PPP3CA: variants seen among roughly 807,000 people sequenced by gnomAD.
The protein encoded by PPP3CA is CAM-PRP catalytic subunit.
Under a neutral mutation model 66.5 loss-of-function variants are expected in PPP3CA, and 14 were observed. The observed-to-expected ratio is 0.21, with a 90% confidence interval of 0.14 to 0.33. The LOEUF is 0.33. Among genes scored for constraint, PPP3CA ranks in the 10% least tolerant of loss-of-function variants. The pLI, the probability that PPP3CA is intolerant of heterozygous loss-of-function variation, is 1.00. For missense variants in PPP3CA, 317 were observed against 639.5 expected (o/e 0.50, Z 5.44); for synonymous variants, 232 against 226.2 (o/e 1.03, Z -0.23).
At chr4:101,128,616 G>T (rs956186134) in intron 2 of PPP3CA, among the ~76,000 whole-genome samples, 1 of 151,554 alleles carries the variant, frequency 6.6e-6, no homozygotes, top group African/African-American at 2.4e-5. Context: ...GCAGGGCGGG[G>T]CGTCACCTTA....
intron 2 of PPP3CA, among the ~76,000 whole-genome samples, chr4:101,176,747 T>C (rs912857267): frequency 6.6e-6 from 1 of 152,116 alleles, no homozygotes; most frequent in East Asian, 1.9e-4. Context: ...GTTTATTAAA[T>C]TTTAATTACT....
intron 1 of PPP3CA, among the ~76,000 whole-genome samples, chr4:101,224,283 C>T (rs962767226): frequency 6.6e-6 from 1 of 151,712 alleles, no homozygotes; most frequent in African/African-American, 2.4e-5. Flanking sequence ...GATTCCTAAG[C>T]ATCTTGGTTT....
intron 1 of PPP3CA, among the ~76,000 whole-genome samples, chr4:101,275,824 G>A (rs1462425659): frequency 6.7e-6 from 1 of 149,108 alleles, no homozygotes; most frequent in African/African-American, 2.5e-5. Context: ...GGGGTGGTGT[G>A]GTTTTTTTCG....
At chr4:101,088,767 G>C (rs1447454354) in intron 6 of PPP3CA, among the ~76,000 whole-genome samples, 1 of 152,058 alleles carries the variant, frequency 6.6e-6, no homozygotes, top group Admixed American at 6.5e-5. Flanking sequence ...ATTGGAAGCA[G>C]AGAGCTCAGG....
chr4:101,025,892 A>AT lies in PPP3CA; in HGVS notation c.1538dup (p.Asn513LysfsTer4). ...ACTGAATATTGCTGCTATTACTGCC[A>AT]TTGCTGTCCGTGCCGTTAGTCTCTG... On this transcript the variant is annotated frameshift_variant, in exon 14 of 14. Transcript: ENST00000394854. LOFTEE classifies it high-confidence loss of function. The AT allele has an allele frequency of 6.3e-7, 1 of 1,597,196 alleles. No individual in the cohort carries two copies. The highest frequency in any genetic ancestry group is 8.5e-7 in the Non-Finnish European group (1 of 1,173,452).
chr4:101,217,386 CCTAAT>C (rs1342300825), intron 1 of PPP3CA, among the ~76,000 whole-genome samples: 53 of 152,234 alleles, frequency 3.5e-4, no homozygotes, highest in African/African-American at 1.2e-3. Flanking sequence ...TTCTAAACTA[CCTAAT>C]CTATTAAACA....
intron 2 of PPP3CA, among the ~76,000 whole-genome samples, chr4:101,174,751 A>C (rs1448826376): frequency 6.6e-6 from 1 of 152,144 alleles, no homozygotes; most frequent in Non-Finnish European, 1.5e-5. Context: ...TGAGATAGGG[A>C]AAGGGAACAA....
intron 1 of PPP3CA, among the ~76,000 whole-genome samples, chr4:101,314,740 T>G (rs1197125655): frequency 1.3e-5 from 2 of 152,068 alleles, no homozygotes; most frequent in African/African-American, 4.8e-5. Flanking sequence ...GTAATCCCTA[T>G]GAGATATTTT....
chr4:101,184,303 G>A (rs1724337278), intron 2 of PPP3CA, among the ~76,000 whole-genome samples: 1 of 152,200 alleles, frequency 6.6e-6, no homozygotes, highest in Admixed American at 6.5e-5. Flanking sequence ...TTGAGAGCTT[G>A]AGGCCCAGAA....
chr4:101,129,341 T>C (rs531620242), intron 2 of PPP3CA, among the ~76,000 whole-genome samples: 1 of 152,338 alleles, frequency 6.6e-6, no homozygotes, highest in African/African-American at 2.4e-5. Context: ...TAAACGTTCC[T>C]GTCTGCCAGC....
intron 8 of PPP3CA, among the ~76,000 whole-genome samples, chr4:101,075,180 T>A (rs995874827): frequency 6.6e-6 from 1 of 152,154 alleles, no homozygotes; most frequent in East Asian, 1.9e-4. Flanking sequence ...CAAGGTGAAA[T>A]CTGGGTGGGG....
intron 2 of PPP3CA, among the ~76,000 whole-genome samples, chr4:101,132,875 G>A (rs1560619087): frequency 1.3e-5 from 2 of 152,164 alleles, no homozygotes; most frequent in Non-Finnish European, 2.9e-5. Context: ...ACTGAATACA[G>A]CAGCACATCA....
chr4:101,062,261 TTATC>T (rs1291482714), intron 9 of PPP3CA, among the ~76,000 whole-genome samples: 1 of 152,014 alleles, frequency 6.6e-6, no homozygotes. Flanking sequence ...TTGGGAATAT[TTATC>T]AGAGATTATT....
At chr4:101,073,662 T>C (rs1285960580) in intron 8 of PPP3CA, among the ~76,000 whole-genome samples, 1 of 152,198 alleles carries the variant, frequency 6.6e-6, no homozygotes, top group East Asian at 1.9e-4. Context: ...CATTTCTCAG[T>C]GAACTCTCTT....
At chr4:101,214,356 A>AATT (rs1265429241) in intron 1 of PPP3CA, among the ~76,000 whole-genome samples, 6 of 152,064 alleles carry the variant, frequency 3.9e-5, no homozygotes, top group African/African-American at 1.2e-4. Flanking sequence ...TAATAATAAT[A>AATT]ATATAAAAAC....
At chr4:101,305,115 C>A (rs1282103338) in intron 1 of PPP3CA, among the ~76,000 whole-genome samples, 2 of 152,178 alleles carry the variant, frequency 1.3e-5, no homozygotes, top group Non-Finnish European at 2.9e-5. Flanking sequence ...AACCACTTCC[C>A]ACATGGGCAA....
At chr4:101,218,110 C>T (rs1725510870) in intron 1 of PPP3CA, among the ~76,000 whole-genome samples, 1 of 151,904 alleles carries the variant, frequency 6.6e-6, no homozygotes, top group South Asian at 2.1e-4. Context: ...TCTTAATAAA[C>T]TTGATGGAAG....
chr4:101,158,750 A>G (rs1408629644), intron 2 of PPP3CA, among the ~76,000 whole-genome samples: 1 of 152,224 alleles, frequency 6.6e-6, no homozygotes, highest in Non-Finnish European at 1.5e-5. Context: ...AGTGAATCCT[A>G]TGAATAAGTT....
At chr4:101,102,268 G>A (rs1560602420) in intron 3 of PPP3CA, among the ~76,000 whole-genome samples, 1 of 151,182 alleles carries the variant, frequency 6.6e-6, no homozygotes, top group East Asian at 1.9e-4. Flanking sequence ...AAGGAAGGAA[G>A]GGAGGGAGGA....
Sources: allele counts gnomAD v4.1 joint callset (sites outside exome capture counted in the v4.1 genomes callset), GRCh38; gene constraint gnomAD v4.1.1; transcripts MANE v1.5; gene names NCBI Gene and HGNC (gene_info 2026-07-23, HGNC 2026-07-21).